SRCAP: variants seen among roughly 807,000 people sequenced by gnomAD.
SRCAP encodes chromatin remodeling protein SRCAP.
SRCAP carries 46 observed loss-of-function variants against 263.1 expected under a neutral mutation model. The ratio of observed to expected loss-of-function variants is 0.17; its 90% CI spans 0.14 to 0.22. The LOEUF (loss-of-function observed/expected upper bound fraction) is 0.22. Ranked by LOEUF, SRCAP falls within the 10% of genes least tolerant of loss-of-function variation. The pLI is 1.00. For missense variants in SRCAP, 3,695 were observed against 4,181.9 expected (o/e 0.88, Z 3.21); for synonymous variants, 1,813 against 1,662.1 (o/e 1.09, Z -2.21).
chr16:30,734,535 C>T lies in SRCAP; in HGVS notation c.6649C>T (p.Pro2217Ser), dbSNP rs767947781. ...RELFDMPLEEPSSSSVPSAPE... is the reference protein window; with the variant it reads ...RELFDMPLEESSSSSVPSAPE... ...GCTGTTTGATATGCCCCTGGAGGAA[C>T]CTTCTAGCTCATCCGTGCCCTCTGC... is the stretch of plus-strand genomic sequence containing the variant. The change falls in exon 31 of 34, where the codon CCT becomes TCT. Residue 2217 changes from proline (P) to serine (S), a missense_variant. Coordinates refer to ENST00000262518, the MANE Select transcript of SRCAP (RefSeq NM_006662.3). 22 of 1,613,798 alleles carry T rather than the reference C, an allele frequency of 1.4e-5. No homozygotes were observed. The Middle Eastern group carries it at 4.9e-4, about 36-fold the overall frequency.
Position 30,738,447 on chromosome 16 carries a change from C to T in SRCAP, c.8407C>T (p.Pro2803Ser). The T allele has an allele frequency of 6.4e-7, 1 of 1,558,724 alleles. No homozygotes were observed. Among genetic ancestry groups the T allele is most frequent in the Non-Finnish European group, 8.7e-7 (1 of 1,152,434 alleles). Reference protein sequence around the residue: ...VRSMSGPESSPPIGGPCEAAP... With the variant: ...VRSMSGPESSSPIGGPCEAAP... ...CAGCATGTCAGGGCCAGAATCCTCC[C>T]CTCCCATTGGTGGGCCCTGTGAAGC... The change falls in exon 34 of 34, where the codon CCT (proline) becomes TCT (serine). Residue 2803 changes from proline (P) to serine (S), a missense_variant. Physicochemically the swap from Pro to Ser is moderately conservative, Grantham distance 74. Coordinates refer to ENST00000262518, the MANE Select transcript of SRCAP (RefSeq NM_006662.3).
chr16:30,726,913 G>A (rs577587401), intron 25 of SRCAP, among the ~76,000 whole-genome samples: 1 of 152,270 alleles, frequency 6.6e-6, no homozygotes, highest in South Asian at 2.1e-4. Context: ...TGTTGGCCGG[G>A]CTGGTCTCGA....
chr16:30,713,136 G>A (rs2052910436), intron 14 of SRCAP, 72 bp from the exon 15 acceptor site: 5 of 1,501,056 alleles, frequency 3.3e-6, no homozygotes, highest in Non-Finnish European at 3.7e-6. Flanking sequence ...CCTTTGAGGA[G>A]TTTAGCATGT....
rs909492472 is a variant in SRCAP at position 30,729,501 on chromosome 16, G to A, written c.6056G>A (p.Arg2019His). The A allele has an allele frequency of 6.2e-6, 10 of 1,614,004 alleles. No homozygotes were observed. The highest frequency in any genetic ancestry group is 1.6e-4 in the Middle Eastern group (1 of 6,084). Reference sequence around the variant, plus strand: ...GCCTCTGAGCTCTGGCCCCGGGCTCGTCCTTTGCACCGTATTGTGTGTAAC... The same window carrying A: ...GCCTCTGAGCTCTGGCCCCGGGCTCATCCTTTGCACCGTATTGTGTGTAAC... ...QLASELWPRA[R>H]PLHRIVCNMR... The change falls in exon 27 of 34, where the codon CGT (arginine) becomes CAT (histidine). Residue 2019 changes from arginine (R) to histidine (H), a missense_variant. Arg to His is a conservative substitution (Grantham distance 29). Transcript: ENST00000262518.
rs779419783 is a variant in SRCAP at position 30,738,124 on chromosome 16, C to G, written c.8084C>G (p.Thr2695Arg). 1.2e-6 allele frequency: 2 copies of G among 1,614,056 alleles called. No homozygotes were observed. The highest frequency in any genetic ancestry group is 2.2e-5 in the East Asian group (1 of 44,896). ...CCAGAGAAGCCACAGGAACTCGTTA[C>G]AGCTGAGGTTGCAGCTCCATCCACC... ...SSPEKPQELV[T>R]AEVAAPSTSS... The change falls in exon 34 of 34, where the codon ACA (threonine) becomes AGA (arginine). Residue 2695 changes from threonine (T) to arginine (R), a missense_variant. Physicochemically the swap from Thr to Arg is moderately conservative, Grantham distance 71 (BLOSUM62 -1). Transcript: ENST00000262518.
chr16:30,724,369 C>T lies in SRCAP; in HGVS notation c.4945C>T (p.Pro1649Ser), dbSNP rs770465640. 1.2e-6 allele frequency: 2 copies of T among 1,614,200 alleles called. No individual in the cohort carries two copies. Among genetic ancestry groups the T allele is most frequent in the East Asian group, 4.5e-5 (2 of 44,882 alleles). ...CTCTTTAGCCTCAGCTTCACCGGTA[C>T]CAGCTCCAACCCCTGTGTTGGCTCC... Reference protein sequence around the residue: ...GTSLASASPVPAPTPVLAPSS... With the variant: ...GTSLASASPVSAPTPVLAPSS... The change falls in exon 25 of 34, where the codon CCA (proline) becomes TCA (serine). Residue 1649 changes from proline (P) to serine (S), a missense_variant. Physicochemically the swap from Pro to Ser is moderately conservative, Grantham distance 74. Transcript: ENST00000262518.
At position 30,722,707 on chromosome 16, in the gene SRCAP, C is replaced by G. The variant is rs373755827; in HGVS notation, c.3851C>G (p.Pro1284Arg). The G allele has an allele frequency of 1.4e-5, 23 of 1,613,734 alleles. No individual in the cohort carries two copies. The highest frequency in any genetic ancestry group is 1.9e-5 in the Non-Finnish European group (22 of 1,179,942). ...CCTTCTTCGACCCCCAGCACCACCC[C>G]TGCCCCTACTGGCCTCAGCCTTCCG... is the stretch of plus-strand genomic sequence containing the variant. ...VLPSSTPSTT[P>R]APTGLSLPLA... Residue 1284 changes from proline (P) to arginine (R), a missense_variant, in exon 23 of 34, where the codon CCT becomes CGT. Around this residue, in one of 12 missense-constraint regions of SRCAP, gnomAD observed 1,347 missense variants for 1,304.4 expected, o/e 1.03. Coordinates refer to ENST00000262518, the MANE Select transcript of SRCAP (RefSeq NM_006662.3).
Position 30,724,268 on chromosome 16 carries a change from C to G in SRCAP, c.4844C>G (p.Ser1615Trp), listed in dbSNP as rs770656793. 1 of 1,614,164 alleles carries G rather than the reference C, an allele frequency of 6.2e-7. No individual in the cohort carries two copies. Among genetic ancestry groups the G allele is most frequent in the Non-Finnish European group, 8.5e-7 (1 of 1,180,034 alleles). Residue 1615 changes from serine to tryptophan, a missense_variant, in exon 25 of 34, where the codon TCG becomes TGG. By Grantham distance (177) the Ser-to-Trp change is radical. Transcript: ENST00000262518. ...PLAPLPVLAP[S>W]PGAAPVLASS... ...GCTCCTCTTCCGGTCCTGGCACCAT[C>G]GCCAGGTGCTGCTCCTGTCCTGGCT... is the stretch of plus-strand genomic sequence containing the variant.
rs1596668196 is a variant in SRCAP, at chr16:30,737,667, C to T, written c.7627C>T (p.Leu2543Phe). ...SVPISASVTNLPLGLRPEAEL... is the reference protein window; with the variant it reads ...SVPISASVTNFPLGLRPEAEL... Reference sequence around the variant, plus strand: ...GCCCATCTCTGCCTCAGTCACTAATCTCCCCTTGGGCTTGAGGCCTGAGGC... The same window carrying T: ...GCCCATCTCTGCCTCAGTCACTAATTTCCCCTTGGGCTTGAGGCCTGAGGC... Residue 2543 changes from leucine (L) to phenylalanine (F), a missense_variant, in exon 34 of 34, where the codon CTC becomes TTC. Leu to Phe is a conservative substitution (Grantham distance 22). Coordinates refer to ENST00000262518, the MANE Select transcript of SRCAP (RefSeq NM_006662.3). 6.2e-7 allele frequency: 1 copy of T among 1,614,162 alleles called. No homozygotes were observed. The highest frequency in any genetic ancestry group is 8.5e-7 in the Non-Finnish European group (1 of 1,180,050).
chr16:30,735,505 A>G (rs1381130612), intron 31 of SRCAP, among the ~76,000 whole-genome samples: 1 of 149,912 alleles, frequency 6.7e-6, no homozygotes, highest in Non-Finnish European at 1.5e-5. Context: ...CCTTTTCATT[A>G]GTATTTCCAC....
chr16:30,733,842 G>A lies in SRCAP; in HGVS notation c.6494+44G>A, dbSNP rs185065875. Reference sequence around the variant, plus strand: ...TCACCTTACTTTCCGTTTACTGATGGGGTTTCCTGGATATATTTGGCTGCT... The same window carrying A: ...TCACCTTACTTTCCGTTTACTGATGAGGTTTCCTGGATATATTTGGCTGCT... On this transcript the variant is annotated intron_variant, in intron 29 of 33. Transcript: ENST00000262518. This position sits in a 1 kb window ranked among gnomAD's most constrained non-coding sequence, Gnocchi z 5.3. The A allele has an allele frequency of 6.2e-7, 1 of 1,611,920 alleles. No homozygotes were observed. Among genetic ancestry groups the A allele is most frequent in the African/African-American group, 1.3e-5 (1 of 74,942 alleles).
At chr16:30,703,896 CA>C (rs11319708) in intron 3 of SRCAP, among the ~76,000 whole-genome samples, 167 bp from the exon 4 acceptor site, 56,402 of 151,842 alleles carry the variant, frequency 0.37, 12,852 homozygotes, top group South Asian at 0.68. Context: ...GACTCCATCT[CA>C]AAAAAATAAA....
At chr16:30,711,450 C>G in intron 10 of SRCAP, 121 bp from the exon 11 acceptor site, 1 of 1,026,516 alleles carries the variant, frequency 9.7e-7, no homozygotes, top group Non-Finnish European at 1.4e-6. Flanking sequence ...GCTCTTTTGC[C>G]TCCCCTCAGA....
At chr16:30,719,756 C>A (rs888134857) in intron 18 of SRCAP, among the ~76,000 whole-genome samples, 1 of 152,122 alleles carries the variant, frequency 6.6e-6, no homozygotes, top group Admixed American at 6.5e-5. Flanking sequence ...TCACACAGTT[C>A]CCCAATCTTG....
chr16:30,739,292 C>G lies in SRCAP; in HGVS notation c.9252C>G (p.Ser3084=). Residue 3084 remains serine (S), a synonymous_variant, in exon 34 of 34, where the codon TCC becomes TCG. Coordinates refer to ENST00000262518, the MANE Select transcript of SRCAP (RefSeq NM_006662.3). ...EGMRGRKSGG[S]MVVAVIQDDL... ...TGCGAGGACGGAAGAGTGGAGGGTC[C>G]ATGGTGGTGGCTGTAATTCAGGATG... The G allele has an allele frequency of 6.2e-7, 1 of 1,614,142 alleles. No individual in the cohort carries two copies.
At position 30,738,400 on chromosome 16, in the gene SRCAP, G is replaced by A; in HGVS notation, c.8360G>A (p.Ser2787Asn). The stretch of plus-strand genomic sequence containing the variant: ...CCTGGGGTCTCTGAGACTAGTGCCA[G>A]CCCGGGAAGCCCGTCTGTCCGCAGC... The part of the protein sequence containing the change: ...LVPGVSETSA[S>N]PGSPSVRSMS... The change falls in exon 34 of 34, where the codon AGC becomes AAC. Residue 2787 changes from serine to asparagine, a missense_variant. By Grantham distance (46) the Ser-to-Asn change is conservative (BLOSUM62 1). Transcript: ENST00000262518. The A allele has an allele frequency of 6.5e-7, 1 of 1,546,878 alleles. No individual in the cohort carries two copies. The highest frequency in any genetic ancestry group is 2.3e-5 in the East Asian group (1 of 44,332).
In SRCAP at chr16:30,707,507, T is replaced by A. The variant is rs1016780742; in HGVS notation, c.493-65T>A. On this transcript the variant is annotated intron_variant, in intron 5 of 33. Transcript: ENST00000262518. ...TCCAGATTTCTTGGCCTTGATTATT[T>A]TCTTTGCCTTTGGGTGGGGAAGTCT... The A allele has an allele frequency of 1.9e-6, 3 of 1,606,214 alleles. No homozygotes were observed. The African/African-American group carries it at 4.0e-5, about 21-fold the overall frequency.
At chr16:30,722,923 T>C in intron 23 of SRCAP, 40 bp from the exon 24 acceptor site, 1 of 1,572,536 alleles carries the variant, frequency 6.4e-7, no homozygotes, top group Non-Finnish European at 8.7e-7. Flanking sequence ...GGTCTTTTGT[T>C]TCTTTTCTAC....
intron 27 of SRCAP, among the ~76,000 whole-genome samples, chr16:30,730,447 T>C (rs993212560): frequency 6.6e-6 from 1 of 152,192 alleles, no homozygotes; most frequent in Admixed American, 6.6e-5. Context: ...TTTCTTTTTT[T>C]TTCAGATAGA....
Sources: gnomAD v4.1 joint callset for allele counts (sites outside exome capture counted in the v4.1 genomes callset) on GRCh38, gnomAD v4.1.1 for gene constraint, gnomAD v4.1.1 regional missense constraint, Gnocchi (gnomAD v3.1) non-coding constraint, MANE v1.5 for transcripts, NCBI Gene and HGNC (gene_info 2026-07-23, HGNC 2026-07-21) for gene names.